IGF2BP1: variants seen among roughly 807,000 people sequenced by gnomAD.
IGF2BP1 encodes the protein insulin like growth factor 2 mRNA binding protein 1.
In IGF2BP1, 11 loss-of-function variants were observed where a neutral mutation model predicts 74.9. That is an observed-to-expected ratio of 0.15 (90% CI 0.09 to 0.24). The LOEUF is 0.24. Ranked by LOEUF, IGF2BP1 falls within the 10% of genes least tolerant of loss-of-function variation. The probability of loss-of-function intolerance (pLI) is 1.00; values close to 1 mark genes in which losing one functional copy is unlikely to be tolerated. For synonymous variants in IGF2BP1, 287 were observed against 281.8 expected, an observed-to-expected ratio of 1.02 and a Z score of -0.18; for missense variants, 440 against 757.4, an observed-to-expected ratio of 0.58 and a Z score of 4.92.
At chr17:49,024,545 A>G (rs931083319) in intron 2 of IGF2BP1, among the ~76,000 whole-genome samples, 3 of 152,152 alleles carry the variant, frequency 2.0e-5, no homozygotes, top group Non-Finnish European at 2.9e-5. Flanking sequence ...AGATACATCT[A>G]TTGTTATACT....
intron 2 of IGF2BP1, chr17:49,014,897 G>A (rs1567813268): frequency 1.0e-6 from 1 of 985,184 alleles, no homozygotes; most frequent in Non-Finnish European, 1.2e-6. Flanking sequence ...CCTGGCTCCT[G>A]AGAGGGCCAC....
intron 2 of IGF2BP1, among the ~76,000 whole-genome samples, chr17:49,016,127 C>A (rs1307131466): frequency 6.6e-6 from 1 of 152,198 alleles, no homozygotes; most frequent in Non-Finnish European, 1.5e-5. Context: ...CTTCTGACGT[C>A]GGGGCTGTTC....
At chr17:49,004,697 C>G (rs1033025775) in intron 2 of IGF2BP1, 1 of 152,118 alleles carries the variant, frequency 6.6e-6, no homozygotes, top group African/African-American at 2.4e-5. Flanking sequence ...AGACAACAGG[C>G]CTTCCAGTTG....
In IGF2BP1 at chr17:49,050,479, C is replaced by G. The variant is rs1476146301; in HGVS notation, c.*1035C>G. ...CGGTGCCCTCACCCCAGCCCATGTG[C>G]TCCCATAAGGGCTGGTTCCTAGAGG... On this transcript the variant is annotated 3_prime_UTR_variant, in exon 15 of 15. Transcript: ENST00000290341. 1 of 152,228 alleles carries G rather than the reference C, an allele frequency of 6.6e-6. No homozygotes were observed. Among genetic ancestry groups the G allele is most frequent in the Non-Finnish European group, 1.5e-5 (1 of 68,038 alleles). 9.4% of individuals were successfully genotyped at this position (152,228 alleles called of 1,614,324 possible). A position where few individuals can be genotyped will look rare whatever the true frequency, so the allele number is the denominator to read the frequency against.
chr17:49,033,297 C>T (rs902357582), intron 5 of IGF2BP1, among the ~76,000 whole-genome samples: 3 of 151,796 alleles, frequency 2.0e-5, no homozygotes, highest in African/African-American at 7.3e-5. Context: ...TACAGGTGTA[C>T]ACCACCATGC....
chr17:49,046,331 C>G lies in IGF2BP1; in HGVS notation c.1599C>G (p.Asp533Glu). The G allele has an allele frequency of 1.2e-6, 2 of 1,614,086 alleles. No individual in the cohort carries two copies. The highest frequency in any genetic ancestry group is 4.5e-5 in the East Asian group (2 of 44,880). ...VPRDQTPDEN[D>E]QVIVKIIGHF... is the part of the protein sequence containing the mutation. ...GAGACCAGACCCCTGATGAGAACGA[C>G]CAGGTCATCGTGAAAATCATCGGAC... Residue 533 changes from aspartate to glutamate, a missense_variant, in exon 14 of 15, where the codon GAC (aspartate) becomes GAG (glutamate). Asp to Glu is a conservative substitution (Grantham distance 45). This residue lies in a region of IGF2BP1 where 117 missense variants were observed against 237.2 expected (regional missense o/e 0.49). Transcript: ENST00000290341.
rs541498432 is a variant in IGF2BP1, at chr17:49,054,326, T to A, written c.*4882T>A. On this transcript the variant is annotated 3_prime_UTR_variant, in exon 15 of 15. Transcript: ENST00000290341. ...AGCTCCTCGGGAGCATGTGTTTTGA[T>A]TAACCGCAGGTGATGGATGCTACGA... 5 of 152,802 alleles carry A rather than the reference T, an allele frequency of 3.3e-5. No individual in the cohort carries two copies. The South Asian group carries it at 1.0e-3, about 32-fold the overall frequency. The allele number at this position is 152,802 out of a possible 1,614,324, so 9.5% of individuals were successfully genotyped here.
At chr17:49,019,118 A>C (rs979399050) in intron 2 of IGF2BP1, among the ~76,000 whole-genome samples, 1 of 152,140 alleles carries the variant, frequency 6.6e-6, no homozygotes, top group Non-Finnish European at 1.5e-5. Context: ...AACATGATTG[A>C]AAATGGCATC....
chr17:49,026,932 C>T (rs569202534), intron 4 of IGF2BP1, among the ~76,000 whole-genome samples: 20 of 152,194 alleles, frequency 1.3e-4, no homozygotes, highest in Admixed American at 5.2e-4. Context: ...TTAGTAGAGA[C>T]GCGTTTCACC....
In IGF2BP1 at chr17:49,045,869, AC is replaced by A. The variant is rs746057952; in HGVS notation, c.1396-20del. ...TCACAGATATATGAACCACTGATTA[AC>A]AATTACCTCCTCTTCTCAGGCTCAG... On this transcript the variant is annotated intron_variant, in intron 12 of 14. Transcript: ENST00000290341. The A allele has an allele frequency of 6.2e-7, 1 of 1,611,246 alleles. No individual in the cohort carries two copies. Among genetic ancestry groups the A allele is most frequent in the East Asian group, 2.2e-5 (1 of 44,864 alleles).
At chr17:49,041,688 A>C (rs1306984808) in intron 8 of IGF2BP1, among the ~76,000 whole-genome samples, 188 bp downstream of exon 8, 2 of 152,204 alleles carry the variant, frequency 1.3e-5, no homozygotes, top group African/African-American at 2.4e-5. Context: ...GCCCATTCCC[A>C]CTGCCATATG....
chr17:49,042,147 T>C, intron 8 of IGF2BP1, 95 bp from the exon 9 acceptor site: 1 of 1,501,356 alleles, frequency 6.7e-7, no homozygotes, highest in Non-Finnish European at 9.1e-7. Flanking sequence ...GCAGAAATGG[T>C]GGGCCTGTGA....
At chr17:49,042,495 T>C in intron 9 of IGF2BP1, 118 bp downstream of exon 9, 1 of 1,068,512 alleles carries the variant, frequency 9.4e-7, no homozygotes, top group Non-Finnish European at 1.4e-6. Flanking sequence ...CTTTAGTTGA[T>C]GCTTTTGGAC....
chr17:49,034,758 A>AC (rs2041967074), intron 5 of IGF2BP1, among the ~76,000 whole-genome samples: 1 of 148,626 alleles, frequency 6.7e-6, no homozygotes, highest in African/African-American at 2.6e-5. Context: ...AAAAAAAACA[A>AC]AAAAAACAAA....
chr17:49,045,171 C>A, intron 12 of IGF2BP1, 106 bp downstream of exon 12: 1 of 859,014 alleles, frequency 1.2e-6, no homozygotes, highest in South Asian at 1.5e-5. Flanking sequence ...GCTGTCAAGT[C>A]CTCATCACAT....
intron 2 of IGF2BP1, among the ~76,000 whole-genome samples, chr17:49,007,498 C>T (rs2041563979): frequency 6.6e-6 from 1 of 152,206 alleles, no homozygotes; most frequent in Non-Finnish European, 1.5e-5. Context: ...AGGGTTGAAC[C>T]TTCTTACTGG....
chr17:49,038,873 AAT>A (rs1491530055), intron 6 of IGF2BP1, among the ~76,000 whole-genome samples: 24,032 of 134,288 alleles, frequency 0.18, 2,617 homozygotes, highest in African/African-American at 0.26. Flanking sequence ...TTCTTTCTTT[AAT>A]ATTTTTTTTT....
intron 1 of IGF2BP1, 130 bp from the exon 2 acceptor site, chr17:48,998,979 C>T (rs2041447313): frequency 3.1e-6 from 2 of 639,104 alleles, no homozygotes; most frequent in Admixed American, 2.8e-5. Flanking sequence ...GCGGAAGCCA[C>T]TGCCTGGATT....
chr17:49,033,815 A>T (rs1253089527), intron 5 of IGF2BP1, among the ~76,000 whole-genome samples: 1 of 151,440 alleles, frequency 6.6e-6, no homozygotes, highest in African/African-American at 2.4e-5. Context: ...CCACGGTTAA[A>T]AGAAAAATAA....
Sources: allele counts gnomAD v4.1 joint callset (sites outside exome capture counted in the v4.1 genomes callset), GRCh38; gene constraint gnomAD v4.1.1; regional missense constraint gnomAD v4.1.1; transcripts MANE v1.5; gene names NCBI Gene and HGNC (gene_info 2026-07-23, HGNC 2026-07-21).